The following DLG2 variants were observed in gnomAD, a reference collection of about 807,000 sequenced individuals.
The protein encoded by DLG2 is discs large MAGUK scaffold protein 2.
DLG2 carries 45 observed loss-of-function variants against 132.5 expected under a neutral mutation model. That is an observed-to-expected ratio of 0.34 (90% CI 0.27 to 0.44). The LOEUF (loss-of-function observed/expected upper bound fraction) is 0.44. DLG2 is among the 20% of genes least tolerant of loss of function. The pLI is 1.00. For synonymous variants in DLG2, 424 were observed against 419.6 expected, an observed-to-expected ratio of 1.01 and a Z score of -0.13; for missense variants, 1,045 against 1,196.9, an observed-to-expected ratio of 0.87 and a Z score of 1.87.
chr11:84,927,359 G>A (rs2047518476), intron 6 of DLG2, among the ~76,000 whole-genome samples: 1 of 151,876 alleles, frequency 6.6e-6, no homozygotes, highest in South Asian at 2.1e-4. Context: ...GACAAATTAG[G>A]TAAGTTTATA....
In DLG2 at chr11:83,800,821, G is replaced by T. The variant is rs563297337; in HGVS notation, c.1723-14029C>A. The stretch of plus-strand genomic sequence containing the variant: ...AAAGACAGTAAGATCTAGAATTCAT[G>T]CATTTCAAGTAAAAAGTTAACTATC... On this transcript the variant is annotated intron_variant, in intron 17 of 27. Transcript: ENST00000376104. 2.6e-5 allele frequency among the ~76,000 whole-genome samples: 4 copies of T among 152,244 alleles called. No homozygotes were observed. In the South Asian group the frequency reaches 8.3e-4, roughly 32 times the overall value.
chr11:84,641,689 T>G (rs2099666298), intron 6 of DLG2, among the ~76,000 whole-genome samples: 1 of 152,120 alleles, frequency 6.6e-6, no homozygotes, highest in Admixed American at 6.5e-5. Flanking sequence ...AATTCTACTT[T>G]CAAGCTTGGA....
intron 7 of DLG2, among the ~76,000 whole-genome samples, chr11:84,274,369 G>A (rs1216032537): frequency 3.3e-5 from 5 of 152,150 alleles, no homozygotes; most frequent in East Asian, 1.9e-4. Context: ...ACTCAAGCAT[G>A]TCAAGAGGTA....
rs924531830 is a variant in DLG2, at chr11:83,785,744, T to C, written c.1825+946A>G. ...CAAACCTCAGTCTTCCAAACAACAA[T>C]AGACCCATCGATGCTAACAAATCAT... On this transcript the variant is annotated intron_variant, in intron 18 of 27. Coordinates refer to ENST00000376104, the MANE Select transcript of DLG2 (RefSeq NM_001142699.3). 2.6e-5 allele frequency among the ~76,000 whole-genome samples: 4 copies of C among 152,174 alleles called. No homozygotes were observed. The East Asian group carries it at 7.7e-4, about 29-fold the overall frequency.
chr11:83,930,559 C>T, intron 14 of DLG2, 76 bp from the exon 15 acceptor site: 1 of 1,399,156 alleles, frequency 7.1e-7, no homozygotes. Flanking sequence ...AGTAGCATCT[C>T]AGCATGTGCA....
chr11:84,840,919 C>T (rs2080565255), intron 6 of DLG2, among the ~76,000 whole-genome samples: 1 of 150,692 alleles, frequency 6.6e-6, no homozygotes, highest in African/African-American at 2.4e-5. Context: ...AGCACACCAA[C>T]ATGGCACATG....
At chr11:84,519,115 A>T (rs958422617) in intron 7 of DLG2, among the ~76,000 whole-genome samples, 2 of 152,146 alleles carry the variant, frequency 1.3e-5, no homozygotes, top group African/African-American at 4.8e-5. Flanking sequence ...TACTCTTAAA[A>T]TTTCAAACCC....
chr11:84,964,968 C>T (rs1018899563), intron 6 of DLG2, among the ~76,000 whole-genome samples: 1 of 152,014 alleles, frequency 6.6e-6, no homozygotes, highest in African/African-American at 2.4e-5. Context: ...TTTTCATATC[C>T]ATGTCCTCAG....
intron 7 of DLG2, among the ~76,000 whole-genome samples, chr11:84,367,123 CA>C (rs2098687269): frequency 6.6e-6 from 1 of 152,094 alleles, no homozygotes; most frequent in Non-Finnish European, 1.5e-5. Flanking sequence ...TCTCTCAGAC[CA>C]CAGTGCAATC....
At chr11:83,849,249 G>C (rs1015539624) in intron 16 of DLG2, among the ~76,000 whole-genome samples, 3 of 146,550 alleles carry the variant, frequency 2.0e-5, no homozygotes, top group African/African-American at 8.0e-5. Context: ...GATTAAATGG[G>C]ATAATAAATG....
rs149787588 is a variant in DLG2 at position 85,081,931 on chromosome 11, G to A, written c.357+29730C>T. Among the ~76,000 whole-genome samples the A allele has an allele frequency of 8.5e-3, 1,297 of 152,210 alleles. 15 individuals carry two copies. Among genetic ancestry groups the A allele is most frequent in the Admixed American group, 0.018 (268 of 15,286 alleles). ...GGAAATGCATACTTGGGGAGGTTAAGAAGAATCTAGACAAACAGGCCTTGC... is the reference window on the plus strand; with the variant it reads ...GGAAATGCATACTTGGGGAGGTTAAAAAGAATCTAGACAAACAGGCCTTGC... On this transcript the variant is annotated intron_variant, in intron 6 of 27. Coordinates refer to ENST00000376104, the MANE Select transcript of DLG2 (RefSeq NM_001142699.3).
At chr11:85,049,466 C>T (rs2062682718) in intron 6 of DLG2, among the ~76,000 whole-genome samples, 1 of 142,574 alleles carries the variant, frequency 7.0e-6, no homozygotes, top group African/African-American at 2.5e-5. Flanking sequence ...TCAATCTGAA[C>T]ATTATTGACA....
chr11:83,794,731 A>C (rs2042376361), intron 17 of DLG2, among the ~76,000 whole-genome samples: 1 of 152,084 alleles, frequency 6.6e-6, no homozygotes. Flanking sequence ...AGGCTCAGAG[A>C]CTCACTGACT....
Position 84,349,837 on chromosome 11 carries a change from A to AATATATAT in DLG2, c.520-98554_520-98547dup, listed in dbSNP as rs10694163. On this transcript the variant is annotated intron_variant, in intron 7 of 27. Coordinates refer to ENST00000376104, the MANE Select transcript of DLG2 (RefSeq NM_001142699.3). ...CAACACAGTGAGACTCTGCCTCTAA[A>AATATATAT]ATATATATATATATCGCTAAGATGA... Among the ~76,000 whole-genome samples, 530 of 150,684 alleles carry AATATATAT rather than the reference A, an allele frequency of 3.5e-3. 2 individuals carry two copies. The highest frequency in any genetic ancestry group is 0.01 in the African/African-American group (424 of 40,758).
chr11:85,046,068 C>G (rs1446772808), intron 6 of DLG2, among the ~76,000 whole-genome samples: 1 of 152,006 alleles, frequency 6.6e-6, no homozygotes, highest in Non-Finnish European at 1.5e-5. Flanking sequence ...TGACAGCAAC[C>G]CTGCTTCCTC....
At chr11:83,790,118 A>G in intron 17 of DLG2, 3 of 911,516 alleles carry the variant, frequency 3.3e-6, no homozygotes, top group Non-Finnish European at 5.1e-6. Context: ...TGGCTTGGCC[A>G]GTCTGACAAG....
chr11:84,514,471 A>ATCTC (rs1238212506), intron 7 of DLG2, among the ~76,000 whole-genome samples: 2 of 152,134 alleles, frequency 1.3e-5, no homozygotes, highest in Non-Finnish European at 2.9e-5. Flanking sequence ...ATGGATAAAG[A>ATCTC]AAATGTAGTA....
At chr11:85,413,084 G>T (rs896757926) in intron 3 of DLG2, among the ~76,000 whole-genome samples, 3 of 151,558 alleles carry the variant, frequency 2.0e-5, no homozygotes, top group African/African-American at 4.8e-5. Context: ...ACCATTTTTT[G>T]ATTTTTTATT....
intron 4 of DLG2, among the ~76,000 whole-genome samples, chr11:85,231,241 T>C (rs2075284279): frequency 6.6e-6 from 1 of 151,996 alleles, no homozygotes; most frequent in Non-Finnish European, 1.5e-5. Context: ...TTTTTTGTTA[T>C]AAGTTGTCTT....
Sources: allele counts gnomAD v4.1 joint callset (sites outside exome capture counted in the v4.1 genomes callset), GRCh38; gene constraint gnomAD v4.1.1; transcripts MANE v1.5; gene names NCBI Gene and HGNC (gene_info 2026-07-23, HGNC 2026-07-21).